DMTF1: variants seen among roughly 807,000 people sequenced by gnomAD.
The protein encoded by DMTF1 is cyclin-D-binding Myb-like transcription factor 1.
DMTF1 carries 39 observed loss-of-function variants against 91.1 expected under a neutral mutation model. That is an observed-to-expected ratio of 0.43 (90% CI 0.33 to 0.56). DMTF1 has a LOEUF of 0.56. Among genes scored for constraint, DMTF1 ranks in the 20% least tolerant of loss-of-function variants. The pLI, the probability that DMTF1 is intolerant of heterozygous loss-of-function variation, is 0.05. For synonymous variants in DMTF1, 338 were observed against 309.5 expected, an observed-to-expected ratio of 1.09 and a Z score of -0.97; for missense variants, 750 against 914.5, an observed-to-expected ratio of 0.82 and a Z score of 2.32.
intron 1 of DMTF1, among the ~76,000 whole-genome samples, chr7:87,153,166 C>T (rs1220761809): frequency 6.6e-6 from 1 of 151,938 alleles, no homozygotes; most frequent in Admixed American, 6.6e-5. Flanking sequence ...TTCAGCCTTG[C>T]TCGGCGATTC....
intron 1 of DMTF1, among the ~76,000 whole-genome samples, chr7:87,158,582 CATG>C (rs893759199): frequency 3.3e-5 from 5 of 152,000 alleles, no homozygotes; most frequent in African/African-American, 9.7e-5. Flanking sequence ...TGATGCAGAA[CATG>C]ATTAGTTTTT....
intron 7 of DMTF1, among the ~76,000 whole-genome samples, chr7:87,175,024 G>GTTTTTTTTTTTTTTTTTTTTT: frequency 7.2e-6 from 1 of 138,208 alleles, no homozygotes; most frequent in Non-Finnish European, 1.6e-5. Flanking sequence ...TTTTGTTTTT[G>GTTTTTTTTTTTTTTTTTTTTT]TTTTTTTTTT....
chr7:87,153,540 A>G (rs951471265), intron 1 of DMTF1, among the ~76,000 whole-genome samples: 1 of 151,470 alleles, frequency 6.6e-6, no homozygotes, highest in Non-Finnish European at 1.5e-5. Flanking sequence ...GAAAAGGATA[A>G]TAGTATACAG....
At chr7:87,167,786 C>T (rs1260574867) in intron 4 of DMTF1, among the ~76,000 whole-genome samples, 2 of 152,018 alleles carry the variant, frequency 1.3e-5, no homozygotes, top group Non-Finnish European at 2.9e-5. Context: ...AAAATCTTTC[C>T]TAATTTGACT....
chr7:87,163,195 A>G (rs1482695405), intron 1 of DMTF1: 1 of 151,770 alleles, frequency 6.6e-6, no homozygotes, highest in Non-Finnish European at 1.5e-5. Context: ...TACAGTTCAT[A>G]GAATCACTAG....
At chr7:87,159,101 A>G (rs558463069) in intron 1 of DMTF1, among the ~76,000 whole-genome samples, 3 of 152,176 alleles carry the variant, frequency 2.0e-5, no homozygotes, top group Non-Finnish European at 4.4e-5. Context: ...CAGTGTAACA[A>G]ATTCCATAGT....
chr7:87,178,600 C>T (rs766734883), intron 7 of DMTF1, among the ~76,000 whole-genome samples: 2 of 151,888 alleles, frequency 1.3e-5, no homozygotes, highest in Non-Finnish European at 2.9e-5. Context: ...CACTTTTCTA[C>T]GTGGACATAC....
intron 4 of DMTF1, among the ~76,000 whole-genome samples, chr7:87,166,842 G>A (rs1416441823): frequency 6.6e-6 from 1 of 151,810 alleles, no homozygotes; most frequent in African/African-American, 2.4e-5. Flanking sequence ...GCCCCACAAG[G>A]AGCCTTTTTA....
intron 4 of DMTF1, among the ~76,000 whole-genome samples, chr7:87,169,364 T>C (rs1231945979): frequency 6.6e-6 from 1 of 152,038 alleles, no homozygotes; most frequent in Non-Finnish European, 1.5e-5. Flanking sequence ...GAGGCTGAGG[T>C]GGGAGAATTG....
rs1795849955 is a variant in DMTF1 at position 87,174,688 on chromosome 7, T to G, written c.519+19T>G. Reference sequence around the variant, plus strand: ...TCTTAAGGTATCTTATGGCATATTTTTATGTTTCACCAATTTGTTTATTGC... The same window carrying G: ...TCTTAAGGTATCTTATGGCATATTTGTATGTTTCACCAATTTGTTTATTGC... On this transcript the variant is annotated intron_variant, in intron 7 of 17. Coordinates refer to ENST00000331242, the MANE Select transcript of DMTF1 (RefSeq NM_001142327.2). 1.9e-6 allele frequency: 3 copies of G among 1,566,416 alleles called. No individual in the cohort carries two copies. The highest frequency in any genetic ancestry group is 1.4e-5 in the African/African-American group (1 of 73,744).
intron 4 of DMTF1, among the ~76,000 whole-genome samples, chr7:87,169,004 T>C (rs1794477905): frequency 1.3e-5 from 2 of 152,218 alleles, no homozygotes; most frequent in African/African-American, 4.8e-5. Flanking sequence ...ATATATTTGT[T>C]GTCCTATCTT....
intron 1 of DMTF1, among the ~76,000 whole-genome samples, chr7:87,157,596 A>G (rs1791095979): frequency 6.6e-6 from 1 of 152,182 alleles, no homozygotes; most frequent in African/African-American, 2.4e-5. Flanking sequence ...CCAGTCTAAG[A>G]TAACCCATTG....
intron 10 of DMTF1, among the ~76,000 whole-genome samples, chr7:87,183,336 G>GT (rs1562833399): frequency 6.6e-6 from 1 of 152,186 alleles, no homozygotes; most frequent in Admixed American, 6.5e-5. Context: ...GTAAGATGCT[G>GT]TGAGTACAGA....
chr7:87,176,077 C>G (rs915492137), intron 7 of DMTF1, among the ~76,000 whole-genome samples: 4 of 152,126 alleles, frequency 2.6e-5, no homozygotes, highest in Admixed American at 6.5e-5. Context: ...ATTCTCCTAT[C>G]GTTTGGTATA....
intron 8 of DMTF1, 100 bp downstream of exon 8, chr7:87,179,802 A>ACAACAATTAATACC: frequency 9.0e-7 from 1 of 1,115,778 alleles, no homozygotes; most frequent in Non-Finnish European, 1.3e-6. Context: ...CAAGGTATTA[A>ACAACAATTAATACC]TTGTTGTTAA....
At chr7:87,184,976 A>T in intron 11 of DMTF1, 1 of 454,936 alleles carries the variant, frequency 2.2e-6, no homozygotes, top group Non-Finnish European at 4.4e-6. Context: ...CACGTTTAGG[A>T]TAAGAGGGCT....
At chr7:87,184,289 A>G in intron 10 of DMTF1, 108 bp from the exon 11 acceptor site, 3 of 1,021,742 alleles carry the variant, frequency 2.9e-6, no homozygotes, top group South Asian at 3.2e-5. Context: ...TTCAGAAACA[A>G]ACTCTTAGTA....
At chr7:87,185,052 T>C in intron 11 of DMTF1, 2 of 345,260 alleles carry the variant, frequency 5.8e-6, no homozygotes, top group African/African-American at 2.1e-5. Context: ...GGGCCCAGTC[T>C]GTAGTTACCT....
At chr7:87,194,268 C>A in intron 16 of DMTF1, 166 bp downstream of exon 16, 1 of 700,430 alleles carries the variant, frequency 1.4e-6, no homozygotes, top group Non-Finnish European at 2.3e-6. Flanking sequence ...GATCCTGTGG[C>A]AGTCAGGAAG....
Sources: allele counts gnomAD v4.1 joint callset (sites outside exome capture counted in the v4.1 genomes callset), GRCh38; gene constraint gnomAD v4.1.1; transcripts MANE v1.5; gene names NCBI Gene and HGNC (gene_info 2026-07-23, HGNC 2026-07-21).